FAAH2: variants seen among roughly 807,000 people sequenced by gnomAD.
The protein encoded by FAAH2 is fatty acid amide hydrolase 2, also known as fatty-acid amide hydrolase 2.
FAAH2 carries 60 observed loss-of-function variants against 36.9 expected under a neutral mutation model. The observed-to-expected ratio is 1.63, with a 90% CI of 1.32 to 2.02. The LOEUF is 2.02. Among genes scored for constraint, FAAH2 ranks in the 30% most tolerant of loss-of-function variants. The pLI, the probability that FAAH2 is intolerant of heterozygous loss-of-function variation, is 0.00. For synonymous variants in FAAH2, 214 were observed against 143.8 expected, an observed-to-expected ratio of 1.49 and a Z score of -3.49; for missense variants, 689 against 397.5, an observed-to-expected ratio of 1.73 and a Z score of -6.23.
the FAAH2 span, among the ~76,000 whole-genome samples, chrX:57,239,466 C>T: frequency 2.2e-5 from 2 of 91,034 alleles, no homozygotes; most frequent in Non-Finnish European, 4.2e-5. Flanking sequence ...CCCTTCTCTG[C>T]AGCTCTTTTA....
chrX:57,185,920 T>G, the FAAH2 span, among the ~76,000 whole-genome samples: 1 of 111,819 alleles, frequency 8.9e-6, no homozygotes, highest in Non-Finnish European at 1.9e-5. Flanking sequence ...GGCTGTGTAG[T>G]ATTCCATGGT....
chrX:57,300,244 G>T (rs1330415006), intron 2 of FAAH2, among the ~76,000 whole-genome samples: 1 of 111,373 alleles, frequency 9.0e-6, no homozygotes, highest in African/African-American at 3.3e-5. Flanking sequence ...GTATGGTACT[G>T]GTACCAAAAC....
chrX:57,449,084 A>G (rs1197764014), intron 10 of FAAH2, among the ~76,000 whole-genome samples: 7 of 111,822 alleles, frequency 6.3e-5, no homozygotes, highest in African/African-American at 2.3e-4. Context: ...GGCTTCCCAG[A>G]AGATTCTTGT....
intron 7 of FAAH2, chrX:57,395,525 G>A: frequency 3.1e-6 from 1 of 323,450 alleles, no homozygotes; most frequent in Non-Finnish European, 5.5e-6. Flanking sequence ...GTTTGTCATA[G>A]ATGGCTTTTA....
the FAAH2 span, among the ~76,000 whole-genome samples, chrX:57,171,207 C>T: frequency 2.7e-5 from 3 of 111,612 alleles, no homozygotes; most frequent in African/African-American, 9.8e-5. Context: ...GTGAATTGTG[C>T]TGTGATAAAC....
At chrX:57,194,975 A>G in the FAAH2 span, among the ~76,000 whole-genome samples, 2 of 110,270 alleles carry the variant, frequency 1.8e-5, no homozygotes, top group East Asian at 5.7e-4. Flanking sequence ...GTGTGTGTGT[A>G]AGTGTGTATA....
the FAAH2 span, among the ~76,000 whole-genome samples, chrX:57,219,693 C>T: frequency 4.6e-5 from 5 of 109,567 alleles, no homozygotes; most frequent in African/African-American, 1.7e-4. Context: ...TTATCTTCTC[C>T]CTCCGGCTGT....
At chrX:57,152,474 C>T in the FAAH2 span, among the ~76,000 whole-genome samples, 3 of 112,618 alleles carry the variant, frequency 2.7e-5, no homozygotes, top group South Asian at 3.7e-4. Context: ...CAATGGCAGG[C>T]GCCCCTCCCC....
rs965597787 is a variant in FAAH2 at position 57,390,793 on chromosome X, G to A, written c.996+9764G>A. 7.2e-5 allele frequency among the ~76,000 whole-genome samples: 8 copies of A among 111,429 alleles called. No homozygotes were observed. The Admixed American group carries it at 7.7e-4, about 11-fold the overall frequency. On this transcript the variant is annotated intron_variant, in intron 7 of 10. Coordinates refer to ENST00000374900, the MANE Select transcript of FAAH2 (RefSeq NM_174912.4). ...GTGTTGCAATAAACACAACACACAAGTTTAGGTGTCTTTTTGATATAATAA... is the reference window on the plus strand; with the variant it reads ...GTGTTGCAATAAACACAACACACAAATTTAGGTGTCTTTTTGATATAATAA...
intron 3 of FAAH2, among the ~76,000 whole-genome samples, chrX:57,324,997 A>G (rs2053166886): frequency 8.9e-6 from 1 of 112,160 alleles, no homozygotes; most frequent in Non-Finnish European, 1.9e-5. Context: ...AGCTCTTAAT[A>G]TTTTGAGATA....
the FAAH2 span, among the ~76,000 whole-genome samples, chrX:57,163,154 A>C: frequency 9.0e-6 from 1 of 111,567 alleles, no homozygotes; most frequent in Non-Finnish European, 1.9e-5. Flanking sequence ...CTGGGGGGTG[A>C]CTCCCAGTTA....
the FAAH2 span, among the ~76,000 whole-genome samples, chrX:57,158,848 A>G: frequency 0.55 from 60,697 of 110,596 alleles, 14,456 homozygotes; most frequent in Non-Finnish European, 0.75. Flanking sequence ...CTTTAGTTTA[A>G]TTAGATCCCA....
chrX:57,246,039 G>A, the FAAH2 span, among the ~76,000 whole-genome samples: 1 of 111,143 alleles, frequency 9.0e-6, no homozygotes, highest in East Asian at 2.8e-4. Flanking sequence ...AATGCTATAG[G>A]GGATAAACTA....
At chrX:57,299,381 A>T (rs1297674244) in intron 2 of FAAH2, among the ~76,000 whole-genome samples, 1 of 111,961 alleles carries the variant, frequency 8.9e-6, no homozygotes, top group Non-Finnish European at 1.9e-5. Context: ...TAGATGCAGA[A>T]AAGGCCTTTG....
chrX:57,267,391 A>C, the FAAH2 span, among the ~76,000 whole-genome samples: 1 of 112,692 alleles, frequency 8.9e-6, no homozygotes, highest in Admixed American at 9.3e-5. Context: ...AGAACAGGGA[A>C]TTCTTTTACA....
At chrX:57,269,193 C>CT in the FAAH2 span, among the ~76,000 whole-genome samples, 2 of 111,528 alleles carry the variant, frequency 1.8e-5, no homozygotes, top group Admixed American at 1.9e-4. Context: ...TAAATATATG[C>CT]ACCCAACACA....
intron 7 of FAAH2, chrX:57,393,309 C>T: frequency 1.1e-6 from 1 of 931,723 alleles, no homozygotes; most frequent in Non-Finnish European, 1.6e-6. Context: ...CCAGCAGTGA[C>T]CATAGGGCCA....
the FAAH2 span, among the ~76,000 whole-genome samples, chrX:57,182,635 C>G: frequency 4.5e-5 from 5 of 111,093 alleles, no homozygotes; most frequent in African/African-American, 1.6e-4. Flanking sequence ...GAAAGCAGTG[C>G]GGCACAACTC....
the FAAH2 span, among the ~76,000 whole-genome samples, chrX:57,127,982 A>G: frequency 8.9e-6 from 1 of 112,230 alleles, no homozygotes; most frequent in Admixed American, 9.4e-5. Flanking sequence ...ATTGTATAAT[A>G]TTTCAAATGA....
Sources: allele counts gnomAD v4.1 joint callset (sites outside exome capture counted in the v4.1 genomes callset), GRCh38; gene constraint gnomAD v4.1.1; transcripts MANE v1.5; gene names NCBI Gene and HGNC (gene_info 2026-07-23, HGNC 2026-07-21).